The following REEP5 variants were observed in gnomAD, a reference collection of about 807,000 sequenced individuals.
The protein encoded by REEP5 is receptor accessory protein 5.
A neutral mutation model predicts 22.4 loss-of-function variants in REEP5; 24 were observed. The observed-to-expected ratio is 1.07, with a 90% CI of 0.78 to 1.51. The LOEUF is 1.51. REEP5 is among the 40% of genes most tolerant of loss of function. The probability of loss-of-function intolerance (pLI) is 0.00; values close to 1 mark genes in which losing one functional copy is unlikely to be tolerated. For synonymous variants in REEP5, 103 were observed against 88.6 expected (o/e 1.16, Z -0.92); for missense variants, 252 against 233.0 (o/e 1.08, Z -0.53).
At chr5:112,900,989 G>A (rs958254423) in intron 3 of REEP5, among the ~76,000 whole-genome samples, 6 of 151,780 alleles carry the variant, frequency 4.0e-5, no homozygotes, top group Non-Finnish European at 8.8e-5. Flanking sequence ...GGTGCACTCT[G>A]CCACACCCAG....
intron 3 of REEP5, chr5:112,897,898 A>C (rs1768739665): frequency 6.6e-6 from 1 of 152,162 alleles, no homozygotes; most frequent in Non-Finnish European, 1.5e-5. Flanking sequence ...ATCTCTACTA[A>C]AAATACAAAA....
chr5:112,921,212 C>A lies in REEP5; in HGVS notation c.163G>T (p.Ala55Ser). The A allele has an allele frequency of 6.2e-7, 1 of 1,614,140 alleles. No individual in the cohort carries two copies. The highest frequency in any genetic ancestry group is 8.5e-7 in the Non-Finnish European group (1 of 1,180,026). ...VALYLVFGYGASLLCNLIGFG... is the reference protein window; with the variant it reads ...VALYLVFGYGSSLLCNLIGFG... ...CCTATCAGGTTGCAGAGGAGAGAGG[C>A]TCCATAACCGAACACCAGGTACAAG... The change falls in exon 2 of 5, where the codon GCC (alanine) becomes TCC (serine). Residue 55 changes from alanine (A) to serine (S), a missense_variant. Transcript: ENST00000379638.
intron 2 of REEP5, among the ~76,000 whole-genome samples, chr5:112,908,738 G>A (rs971595688): frequency 6.6e-6 from 1 of 151,848 alleles, no homozygotes; most frequent in African/African-American, 2.4e-5. Context: ...GTATTTTTTA[G>A]TAGAGACGGG....
Position 112,891,584 on chromosome 5 carries a change from C to A in REEP5, c.352-4401G>T, listed in dbSNP as rs748814203. ...TGACAGTGGCAGCTATGAACAAAATCTTCCATATATTCCCATAGGTTAAGA... is the reference window on the plus strand; with the variant it reads ...TGACAGTGGCAGCTATGAACAAAATATTCCATATATTCCCATAGGTTAAGA... On this transcript the variant is annotated intron_variant, in intron 3 of 4. Coordinates refer to ENST00000379638, the MANE Select transcript of REEP5 (RefSeq NM_005669.5). 56 of 1,554,040 alleles carry A rather than the reference C, an allele frequency of 3.6e-5. No individual in the cohort carries two copies. The Admixed American group carries it at 1.1e-3, about 30-fold the overall frequency.
chr5:112,913,393 G>C (rs867567485), intron 2 of REEP5, among the ~76,000 whole-genome samples: 1 of 104,670 alleles, frequency 9.6e-6, no homozygotes, highest in Admixed American at 8.8e-5. Flanking sequence ...GAAAGAAAGA[G>C]AAAGAAAGAA....
At chr5:112,919,877 G>A (rs969863423) in intron 2 of REEP5, among the ~76,000 whole-genome samples, 2 of 152,130 alleles carry the variant, frequency 1.3e-5, no homozygotes, top group Non-Finnish European at 2.9e-5. Flanking sequence ...AAGCAACATG[G>A]ATTTTGATGC....
intron 2 of REEP5, among the ~76,000 whole-genome samples, chr5:112,904,235 T>C (rs1337888060): frequency 2.0e-5 from 3 of 152,220 alleles, no homozygotes; most frequent in East Asian, 3.8e-4. Flanking sequence ...TTCCTTCAGA[T>C]AGAAGCTGGC....
chr5:112,919,977 C>T (rs1488651942), intron 2 of REEP5, among the ~76,000 whole-genome samples: 1 of 152,122 alleles, frequency 6.6e-6, no homozygotes, highest in Non-Finnish European at 1.5e-5. Context: ...CTTGATTAGA[C>T]TAATGTAACA....
intron 3 of REEP5, chr5:112,892,389 C>A: frequency 6.2e-7 from 1 of 1,614,048 alleles, no homozygotes; most frequent in Non-Finnish European, 8.5e-7. Flanking sequence ...ATGTGTTGCC[C>A]GAGTTCAAGA....
intron 2 of REEP5, among the ~76,000 whole-genome samples, chr5:112,916,743 T>G (rs900933736): frequency 1.3e-5 from 2 of 152,134 alleles, no homozygotes; most frequent in Non-Finnish European, 2.9e-5. Flanking sequence ...AGCATGAAAT[T>G]TGGAGCCAGA....
intron 2 of REEP5, among the ~76,000 whole-genome samples, chr5:112,918,045 A>G (rs1052188709): frequency 1.3e-5 from 2 of 152,192 alleles, no homozygotes. Flanking sequence ...AAACATTTCC[A>G]GTAGTCTGCC....
At chr5:112,913,219 C>T (rs546925847) in intron 2 of REEP5, among the ~76,000 whole-genome samples, 23 of 151,978 alleles carry the variant, frequency 1.5e-4, no homozygotes, top group South Asian at 2.1e-4. Flanking sequence ...CGCTTGAACC[C>T]GGGAGGTGGA....
Position 112,887,179 on chromosome 5 carries a change from C to G in REEP5, c.356G>C (p.Gly119Ala). ...WFPFYYMLKCGFLLWCMAPSP... is the reference protein window; with the variant it reads ...WFPFYYMLKCAFLLWCMAPSP... The stretch of plus-strand genomic sequence containing the variant: ...CGGGGCCATGCACCACAACAGGAAG[C>G]CACACTGCACAGAAAAAGAGCCAGC... The change falls in exon 4 of 5, where the codon GGC (glycine) becomes GCC (alanine). Residue 119 changes from glycine to alanine, a missense_variant. Physicochemically the swap from Gly to Ala is moderately conservative, Grantham distance 60 (BLOSUM62 0). Coordinates refer to ENST00000379638, the MANE Select transcript of REEP5 (RefSeq NM_005669.5). 2 of 1,587,546 alleles carry G rather than the reference C, an allele frequency of 1.3e-6. No homozygotes were observed. Among genetic ancestry groups the G allele is most frequent in the Non-Finnish European group, 1.7e-6 (2 of 1,162,180 alleles).
intron 3 of REEP5, chr5:112,891,757 C>G (rs1231365096): frequency 1.2e-6 from 2 of 1,614,096 alleles, no homozygotes; most frequent in Non-Finnish European, 1.7e-6. Flanking sequence ...TCGGCAGGAA[C>G]TTGCTCGACT....
chr5:112,887,067 G>T lies in REEP5; in HGVS notation c.468C>A (p.Val156=). The T allele has an allele frequency of 6.2e-7, 1 of 1,613,548 alleles. No homozygotes were observed. Among genetic ancestry groups the T allele is most frequent in the South Asian group, 1.1e-5 (1 of 91,010 alleles). The part of the protein sequence containing the change: ...LKHESQMDSV[V]KDLKDKAKET... The stretch of plus-strand genomic sequence containing the variant: ...CTTTGGCCTTGTCTTTAAGGTCCTT[G>T]ACCACACTGTCCATCTGGGACTCGT... Residue 156 remains valine (V), a synonymous_variant, in exon 4 of 5, where the codon GTC becomes GTA. Coordinates refer to ENST00000379638, the MANE Select transcript of REEP5 (RefSeq NM_005669.5).
At chr5:112,895,637 G>A (rs1320907889) in intron 3 of REEP5, 1 of 152,238 alleles carries the variant, frequency 6.6e-6, no homozygotes, top group South Asian at 2.1e-4. Context: ...TACATCCTTA[G>A]CATTTTCCTG....
Position 112,878,822 on chromosome 5 carries a change from G to C in REEP5, c.534C>G (p.Thr178=). 1 of 1,613,984 alleles carries C rather than the reference G, an allele frequency of 6.2e-7. No homozygotes were observed. The highest frequency in any genetic ancestry group is 1.1e-5 in the South Asian group (1 of 91,072). Residue 178 remains threonine, a synonymous_variant, in exon 5 of 5, where the codon ACC becomes ACG. Transcript: ENST00000379638. ...DAITKEAKKA[T]VNLLGEEKKS... is the part of the protein sequence containing the mutation. Reference sequence around the variant, plus strand: ...TCTTTTCTTCACCCAGTAAATTCACGGTAGCTTTCTTCGCTGTTTGTTTGT... The same window carrying C: ...TCTTTTCTTCACCCAGTAAATTCACCGTAGCTTTCTTCGCTGTTTGTTTGT...
chr5:112,884,413 G>C (rs1768168905), intron 4 of REEP5, among the ~76,000 whole-genome samples: 1 of 151,308 alleles, frequency 6.6e-6, no homozygotes, highest in Non-Finnish European at 1.5e-5. Context: ...AGGGGGATAG[G>C]GTTTTGCTTT....
At chr5:112,912,991 C>G (rs1488345180) in intron 2 of REEP5, among the ~76,000 whole-genome samples, 1 of 152,148 alleles carries the variant, frequency 6.6e-6, no homozygotes, top group African/African-American at 2.4e-5. Context: ...AGAAAACCAA[C>G]AAACAGTACG....
Sources: allele counts gnomAD v4.1 joint callset (sites outside exome capture counted in the v4.1 genomes callset), GRCh38; gene constraint gnomAD v4.1.1; transcripts MANE v1.5; gene names NCBI Gene and HGNC (gene_info 2026-07-23, HGNC 2026-07-21).